PLEKHA5: variants seen among roughly 807,000 people sequenced by gnomAD.
PLEKHA5 encodes pleckstrin homology domain containing A5, also known as pleckstrin homology domain-containing family A member 5.
A neutral mutation model predicts 181.9 loss-of-function variants in PLEKHA5; 55 were observed. That is an observed-to-expected ratio of 0.30 (90% CI 0.24 to 0.38). PLEKHA5 has a LOEUF of 0.38. PLEKHA5 is among the 10% of genes least tolerant of loss of function. The probability of loss-of-function intolerance (pLI) is 1.00; values close to 1 mark genes in which losing one functional copy is unlikely to be tolerated. For missense variants in PLEKHA5, 1,432 were observed against 1,549.5 expected (o/e 0.92, Z 1.27); for synonymous variants, 535 against 529.4 (o/e 1.01, Z -0.15).
At chr12:19,369,148 C>T (rs1159065410) in intron 30 of PLEKHA5, among the ~76,000 whole-genome samples, 1 of 151,902 alleles carries the variant, frequency 6.6e-6, no homozygotes, top group Non-Finnish European at 1.5e-5. Context: ...ATTTCTCCTA[C>T]CCCGGCCTCC....
intron 31 of PLEKHA5, chr12:19,370,809 C>T (rs533687625): frequency 6.6e-5 from 10 of 152,124 alleles, no homozygotes; most frequent in Admixed American, 5.3e-4. Context: ...CCTGCCTCAG[C>T]CTCACAAGTA....
At chr12:19,290,906 C>A in intron 14 of PLEKHA5, 110 bp downstream of exon 14, 1 of 889,932 alleles carries the variant, frequency 1.1e-6, no homozygotes, top group Non-Finnish European at 1.6e-6. Flanking sequence ...CCCATACCAT[C>A]ATTATAGTGA....
intron 7 of PLEKHA5, among the ~76,000 whole-genome samples, chr12:19,262,396 G>C (rs953883625): frequency 5.3e-5 from 8 of 152,034 alleles, no homozygotes; most frequent in African/African-American, 1.7e-4. Context: ...ACCACACTTG[G>C]CTAATTTTTT....
chr12:19,229,085 T>C (rs1216647416), intron 3 of PLEKHA5, among the ~76,000 whole-genome samples: 1 of 152,182 alleles, frequency 6.6e-6, no homozygotes, highest in Non-Finnish European at 1.5e-5. Flanking sequence ...TGTAGAAGTG[T>C]GGCAAGTTAA....
intron 15 of PLEKHA5, among the ~76,000 whole-genome samples, chr12:19,295,137 C>A: frequency 6.6e-6 from 1 of 152,122 alleles, no homozygotes; most frequent in East Asian, 1.9e-4. Flanking sequence ...ACAGTAATCC[C>A]AACTATATAT....
chr12:19,278,588 T>C (rs2075241121), intron 11 of PLEKHA5, among the ~76,000 whole-genome samples: 1 of 152,108 alleles, frequency 6.6e-6, no homozygotes, highest in South Asian at 2.1e-4. Flanking sequence ...GCAGTCTCTT[T>C]GATGGAGTCA....
intron 3 of PLEKHA5, among the ~76,000 whole-genome samples, chr12:19,181,197 T>C (rs2048479740): frequency 1.3e-5 from 2 of 152,202 alleles, no homozygotes; most frequent in East Asian, 1.9e-4. Flanking sequence ...AGACCAGTAC[T>C]GGTATGAATT....
intron 15 of PLEKHA5, chr12:19,306,992 C>A (rs1475440459): frequency 1.4e-6 from 2 of 1,477,322 alleles, no homozygotes; most frequent in Non-Finnish European, 9.4e-7. Flanking sequence ...GCTGTTCCAC[C>A]GGCTGCTTTG....
Position 19,364,795 on chromosome 12 carries a change from A to C in PLEKHA5, c.3609-1169A>C, listed in dbSNP as rs1361223153. 2.0e-5 allele frequency among the ~76,000 whole-genome samples: 3 copies of C among 151,752 alleles called. No individual in the cohort carries two copies. The East Asian group carries it at 6.1e-4, about 31-fold the overall frequency. ...GTTCTCCTGCCTCAGCCTCCCAAGT[A>C]GCTGGGTTTATAGGCGCCTGCCACT... On this transcript the variant is annotated intron_variant, in intron 29 of 31. Coordinates refer to ENST00000429027, the MANE Select transcript of PLEKHA5 (RefSeq NM_001256470.2).
In PLEKHA5 at chr12:19,130,738, A is replaced by G. The variant is rs1423406981; in HGVS notation, c.169+608A>G. 6.6e-6 allele frequency: 1 copy of G among 152,276 alleles called. No homozygotes were observed. Among genetic ancestry groups the G allele is most frequent in the Non-Finnish European group, 1.5e-5 (1 of 68,136 alleles). 9.4% of individuals were successfully genotyped at this position (152,276 alleles called of 1,614,324 possible). ...GGGGTGCTGCGATCCTCTCTGTGAC[A>G]GGGAACGGCTCGGGAAACGCTTGGC... On this transcript the variant is annotated intron_variant, in intron 2 of 31. Coordinates refer to ENST00000429027, the MANE Select transcript of PLEKHA5 (RefSeq NM_001256470.2). This position sits in a 1 kb window ranked among gnomAD's most constrained non-coding sequence, Gnocchi z 4.5.
chr12:19,257,685 G>T, intron 6 of PLEKHA5, 148 bp downstream of exon 6: 1 of 588,146 alleles, frequency 1.7e-6, no homozygotes. Flanking sequence ...TGTTACCCCT[G>T]AAGAATATCA....
chr12:19,271,384 A>C (rs996500376), intron 10 of PLEKHA5, among the ~76,000 whole-genome samples: 1 of 152,132 alleles, frequency 6.6e-6, no homozygotes, highest in East Asian at 1.9e-4. Context: ...ACACTCTTGT[A>C]GTCCCTGCTA....
At chr12:19,141,098 A>G (rs1427881295) in intron 3 of PLEKHA5, among the ~76,000 whole-genome samples, 2 of 152,084 alleles carry the variant, frequency 1.3e-5, no homozygotes, top group African/African-American at 4.8e-5. Flanking sequence ...CCAGCCAGGA[A>G]ACACTTCACA....
chr12:19,334,829 A>AAAAAAAAAAAAAAAAAAAATAT, intron 20 of PLEKHA5, among the ~76,000 whole-genome samples: 3 of 18,598 alleles, frequency 1.6e-4, no homozygotes, highest in Non-Finnish European at 4.3e-4. Context: ...AAAAAAAAAA[A>AAAAAAAAAAAAAAAAAAAATAT]ATATATATAT....
intron 3 of PLEKHA5, among the ~76,000 whole-genome samples, chr12:19,145,501 T>C (rs1218926594): frequency 6.6e-6 from 1 of 152,202 alleles, no homozygotes; most frequent in Non-Finnish European, 1.5e-5. Flanking sequence ...TACATAAATA[T>C]TTTAACAAAA....
chr12:19,249,990 GGCTCT>G (rs1363649605), intron 3 of PLEKHA5, among the ~76,000 whole-genome samples: 1 of 152,124 alleles, frequency 6.6e-6, no homozygotes, highest in Admixed American at 6.5e-5. Flanking sequence ...GGACATGGAG[GGCTCT>G]GCTCTGCATT....
At chr12:19,196,812 CTTT>C (rs3056387) in intron 3 of PLEKHA5, among the ~76,000 whole-genome samples, 149 of 122,534 alleles carry the variant, frequency 1.2e-3, no homozygotes, top group Non-Finnish European at 1.7e-3. Flanking sequence ...TTTTTTTTTT[CTTT>C]TTTTTTTTTT....
chr12:19,187,069 A>C (rs10770447), intron 3 of PLEKHA5, among the ~76,000 whole-genome samples: 136,582 of 152,186 alleles, frequency 0.9, 61,933 homozygotes, highest in Non-Finnish European at 0.97. Context: ...TTCTATATGA[A>C]TGTCTTTATC....
At chr12:19,194,307 C>T (rs2052074233) in intron 3 of PLEKHA5, among the ~76,000 whole-genome samples, 1 of 152,118 alleles carries the variant, frequency 6.6e-6, no homozygotes, top group Admixed American at 6.5e-5. Flanking sequence ...AATAGTATTC[C>T]ACTGTGTATA....
Sources: gnomAD v4.1 joint callset for allele counts (sites outside exome capture counted in the v4.1 genomes callset) on GRCh38, gnomAD v4.1.1 for gene constraint, Gnocchi (gnomAD v3.1) non-coding constraint, MANE v1.5 for transcripts, NCBI Gene and HGNC (gene_info 2026-07-23, HGNC 2026-07-21) for gene names.